NRCAM: variants seen among roughly 807,000 people sequenced by gnomAD.
NRCAM encodes neuronal cell adhesion molecule, also known as NgCAM-related cell adhesion molecule.
Under a neutral mutation model 156.5 loss-of-function variants are expected in NRCAM, and 83 were observed. The observed-to-expected ratio is 0.53, with a 90% confidence interval of 0.44 to 0.64. NRCAM has a LOEUF of 0.64. NRCAM is among the 30% of genes least tolerant of loss of function. The probability of loss-of-function intolerance (pLI) is 0.00; values close to 1 mark genes in which losing one functional copy is unlikely to be tolerated. For synonymous variants in NRCAM, 538 were observed against 563.9 expected (o/e 0.95, Z 0.65); for missense variants, 1,417 against 1,597.3 (o/e 0.89, Z 1.92).
chr7:108,206,523 T>C (rs1434597326), intron 13 of NRCAM, among the ~76,000 whole-genome samples: 1 of 152,144 alleles, frequency 6.6e-6, no homozygotes, highest in Admixed American at 6.5e-5. Flanking sequence ...TTTCTCTGTC[T>C]TGGTGTCTAA....
chr7:108,307,796 C>G (rs1455326840), intron 3 of NRCAM, among the ~76,000 whole-genome samples: 1 of 152,116 alleles, frequency 6.6e-6, no homozygotes, highest in Non-Finnish European at 1.5e-5. Context: ...GTTTCATTTT[C>G]CTCCTGGGTA....
chr7:108,255,697 C>T (rs1287605727), intron 3 of NRCAM, among the ~76,000 whole-genome samples: 6 of 150,160 alleles, frequency 4.0e-5, no homozygotes, highest in South Asian at 2.1e-4. Flanking sequence ...GCCTCTACCC[C>T]GCTGCCCCAT....
At chr7:108,240,915 G>A (rs1394023079) in intron 3 of NRCAM, among the ~76,000 whole-genome samples, 1 of 152,050 alleles carries the variant, frequency 6.6e-6, no homozygotes, top group African/African-American at 2.4e-5. Context: ...TTGGTTTGAT[G>A]ATGCATTTCT....
chr7:108,259,828 C>T (rs1266057462), intron 3 of NRCAM, among the ~76,000 whole-genome samples: 1 of 152,144 alleles, frequency 6.6e-6, no homozygotes, highest in Non-Finnish European at 1.5e-5. Flanking sequence ...GAACAACACA[C>T]ACTGGGGCCT....
intron 2 of NRCAM, among the ~76,000 whole-genome samples, chr7:108,320,825 A>G (rs1205001471): frequency 6.6e-6 from 1 of 152,250 alleles, no homozygotes; most frequent in African/African-American, 2.4e-5. Flanking sequence ...GACCAGCATA[A>G]TACTGTGTGC....
intron 23 of NRCAM, 91 bp downstream of exon 23, chr7:108,182,604 T>C (rs1586837494): frequency 8.0e-6 from 9 of 1,118,664 alleles, no homozygotes; most frequent in Non-Finnish European, 1.2e-5. Flanking sequence ...GCCACCTCCC[T>C]CCCTTGCAAC....
chr7:108,344,227 A>AG (rs1489462077), intron 2 of NRCAM, among the ~76,000 whole-genome samples: 2 of 152,224 alleles, frequency 1.3e-5, no homozygotes, highest in Non-Finnish European at 1.5e-5. Context: ...CTAGCTGGGA[A>AG]GGTGACTGCA....
chr7:108,254,947 T>C (rs1199275930), intron 3 of NRCAM, among the ~76,000 whole-genome samples: 1 of 152,104 alleles, frequency 6.6e-6, no homozygotes, highest in African/African-American at 2.4e-5. Flanking sequence ...ACACAAAGAC[T>C]TGTACGCAAA....
chr7:108,208,388 G>C (rs2082291443), intron 12 of NRCAM, among the ~76,000 whole-genome samples: 2 of 152,120 alleles, frequency 1.3e-5, no homozygotes, highest in African/African-American at 4.8e-5. Flanking sequence ...CATCATTTTT[G>C]AAAAGTTGCA....
chr7:108,176,352 G>C (rs1266230821), intron 27 of NRCAM, 78 bp downstream of exon 27: 1 of 1,303,642 alleles, frequency 7.7e-7, no homozygotes, highest in Admixed American at 1.8e-5. Context: ...TCCATAGCAA[G>C]AAGGAAAAAG....
At chr7:108,279,378 T>C (rs2154081848) in intron 3 of NRCAM, among the ~76,000 whole-genome samples, 1 of 152,338 alleles carries the variant, frequency 6.6e-6, no homozygotes, top group Admixed American at 6.5e-5. Flanking sequence ...TTCATGTGCC[T>C]TTAAACACTG....
intron 1 of NRCAM, among the ~76,000 whole-genome samples, chr7:108,446,890 G>T (rs1844903578): frequency 6.6e-6 from 1 of 151,628 alleles, no homozygotes; most frequent in African/African-American, 2.4e-5. Flanking sequence ...ACCACACCTG[G>T]CTCATTTTTG....
chr7:108,257,682 T>C (rs2096736891), intron 3 of NRCAM, among the ~76,000 whole-genome samples: 1 of 152,320 alleles, frequency 6.6e-6, no homozygotes, highest in South Asian at 2.1e-4. Context: ...ATTTCTATCA[T>C]CATCTGCAAA....
At chr7:108,406,163 A>G (rs2099806943) in intron 1 of NRCAM, among the ~76,000 whole-genome samples, 2 of 152,122 alleles carry the variant, frequency 1.3e-5, no homozygotes, top group African/African-American at 4.8e-5. Flanking sequence ...AAGGAGACAG[A>G]AAATACTTCT....
intron 1 of NRCAM, among the ~76,000 whole-genome samples, chr7:108,453,425 A>G (rs1852784844): frequency 6.6e-6 from 1 of 152,168 alleles, no homozygotes; most frequent in Non-Finnish European, 1.5e-5. Context: ...TATTGGCCTC[A>G]CAGGAAGTAC....
At chr7:108,150,694 C>T (rs370592953) in intron 32 of NRCAM, 16 of 532,464 alleles carry the variant, frequency 3.0e-5, no homozygotes, top group Non-Finnish European at 5.0e-5. Context: ...TTCAACCTTA[C>T]CTTTCAAGAG....
At chr7:108,393,277 C>T (rs1300434279) in intron 2 of NRCAM, among the ~76,000 whole-genome samples, 1 of 152,152 alleles carries the variant, frequency 6.6e-6, no homozygotes, top group Non-Finnish European at 1.5e-5. Context: ...GGGCGCCCCT[C>T]CCCCAGCCTC....
chr7:108,402,997 C>T (rs553668572), intron 1 of NRCAM, among the ~76,000 whole-genome samples: 1 of 152,132 alleles, frequency 6.6e-6, no homozygotes, highest in Non-Finnish European at 1.5e-5. Flanking sequence ...CATCTCAAAC[C>T]GAACTTTCTA....
chr7:108,318,039 C>CCTTTT (rs1554503979), intron 2 of NRCAM, among the ~76,000 whole-genome samples: 15 of 72,856 alleles, frequency 2.1e-4, no homozygotes, highest in African/African-American at 8.7e-4. Flanking sequence ...TTCACTTTTC[C>CCTTTT]TTTTTTTTTT....
Sources: gnomAD v4.1 joint callset for allele counts (sites outside exome capture counted in the v4.1 genomes callset) on GRCh38, gnomAD v4.1.1 for gene constraint, MANE v1.5 for transcripts, NCBI Gene and HGNC (gene_info 2026-07-23, HGNC 2026-07-21) for gene names.